ARL8A: variants seen among roughly 807,000 people sequenced by gnomAD.
The protein encoded by ARL8A is ADP-ribosylation factor-like protein 8A.
In ARL8A, 10 loss-of-function variants were observed where a neutral mutation model predicts 31.2. The ratio of observed to expected loss-of-function variants is 0.32; its 90% confidence interval spans 0.20 to 0.54. The LOEUF (loss-of-function observed/expected upper bound fraction) is 0.54, where lower values mean the gene tolerates loss of function less well. Among genes scored for constraint, ARL8A ranks in the 20% least tolerant of loss-of-function variants. The probability of loss-of-function intolerance (pLI) is 0.93; values close to 1 mark genes in which losing one functional copy is unlikely to be tolerated. For synonymous variants in ARL8A, 70 were observed against 86.9 expected (o/e 0.81, Z 1.08); for missense variants, 129 against 242.8 (o/e 0.53, Z 3.12).
rs969709022 is a variant in ARL8A at position 202,133,435 on chromosome 1, G to C, written c.*1032C>G. 7.9e-5 allele frequency: 12 copies of C among 152,016 alleles called. No individual in the cohort carries two copies. Among genetic ancestry groups the C allele is most frequent in the African/African-American group, 2.7e-4 (11 of 41,376 alleles). The allele number at this position is 152,016 out of a possible 1,614,324, so 9.4% of individuals were successfully genotyped here. A position where few individuals can be genotyped will look rare whatever the true frequency, so the allele number is the denominator to read the frequency against. On this transcript the variant is annotated 3_prime_UTR_variant, in exon 7 of 7. Transcript: ENST00000272217. ...ACAAAACTGGTCATTTATTTTTTTT[G>C]TTGTCATTGTTATTAGGAAGCAAAA...
intron 1 of ARL8A, among the ~76,000 whole-genome samples, chr1:202,139,768 C>A (rs1423853996): frequency 6.7e-6 from 1 of 149,990 alleles, no homozygotes; most frequent in Non-Finnish European, 1.5e-5. Context: ...CTGCCTCAGC[C>A]TCCCCAGTAG....
At chr1:202,141,389 C>T (rs1403886125) in intron 1 of ARL8A, among the ~76,000 whole-genome samples, 1 of 152,140 alleles carries the variant, frequency 6.6e-6, no homozygotes, top group African/African-American at 2.4e-5. Flanking sequence ...TACCTGTAAT[C>T]CCAGCACTTT....
In ARL8A at chr1:202,135,022, G is replaced by T; in HGVS notation, c.511+128C>A. The T allele has an allele frequency of 1.1e-6, 1 of 888,990 alleles. No homozygotes were observed. Among genetic ancestry groups the T allele is most frequent in the Non-Finnish European group, 1.8e-6 (1 of 562,062 alleles). The allele number at this position is 888,990 out of a possible 1,614,324, so 55.1% of individuals were successfully genotyped here. On this transcript the variant is annotated intron_variant, in intron 6 of 6. Transcript: ENST00000272217. This position sits in a 1 kb window ranked among gnomAD's most constrained non-coding sequence, Gnocchi z 5.3. The stretch of plus-strand genomic sequence containing the variant: ...TAGTGCCCAGAATCTGGGCCACCTG[G>T]CTGCCTTTTCTACCCAAGAGCCACA...
rs1471089039 is a variant in ARL8A at position 202,135,265 on chromosome 1, G to C, written c.441-45C>G. On this transcript the variant is annotated intron_variant, in intron 5 of 6. Coordinates refer to ENST00000272217, the MANE Select transcript of ARL8A (RefSeq NM_138795.4). The surrounding 1 kb of genome is among the most constrained non-coding windows in gnomAD (Gnocchi z 5.3). ...AGTCCGCTGAGGCTACGAACGTCCA[G>C]GGGGCCTGGGGCTAGGGGACAGCGG... 1.9e-6 allele frequency: 3 copies of C among 1,577,114 alleles called. No individual in the cohort carries two copies. Among genetic ancestry groups the C allele is most frequent in the Non-Finnish European group, 2.6e-6 (3 of 1,146,500 alleles).
chr1:202,137,591 G>A (rs1655045779), intron 3 of ARL8A, among the ~76,000 whole-genome samples: 1 of 151,412 alleles, frequency 6.6e-6, no homozygotes, highest in South Asian at 2.1e-4. Flanking sequence ...TCGCACCATT[G>A]CACGCCAGCC....
chr1:202,144,148 T>C lies in ARL8A; in HGVS notation c.123+302A>G, dbSNP rs1655238872. Among the ~76,000 whole-genome samples, 1 of 152,130 alleles carries C rather than the reference T, an allele frequency of 6.6e-6. No homozygotes were observed. Among genetic ancestry groups the C allele is most frequent in the Non-Finnish European group, 1.5e-5 (1 of 68,000 alleles). On this transcript the variant is annotated intron_variant, in intron 1 of 6. Coordinates refer to ENST00000272217, the MANE Select transcript of ARL8A (RefSeq NM_138795.4). The surrounding 1 kb of genome is among the most constrained non-coding windows in gnomAD (Gnocchi z 5.2). ...TCAGCCGGCAGCGGGTCCCTCCTGCTTCGAGAGCCCCTCGGTGCCGCCTGC... is the reference window on the plus strand; with the variant it reads ...TCAGCCGGCAGCGGGTCCCTCCTGCCTCGAGAGCCCCTCGGTGCCGCCTGC...
rs1395878508 is a variant in ARL8A, at chr1:202,144,583, G to T, written c.-11C>A. 5.0e-6 allele frequency: 7 copies of T among 1,409,242 alleles called. No individual in the cohort carries two copies. Among genetic ancestry groups the T allele is most frequent in the Non-Finnish European group, 6.6e-6 (7 of 1,059,318 alleles). The allele number at this position is 1,409,242 out of a possible 1,614,324, so 87.3% of individuals were successfully genotyped here. ...GAACAAAGCGATCATGGTCGCTGCC[G>T]CCGGCCCCGCCCGGTGCCAGGTCCC... On this transcript the variant is annotated 5_prime_UTR_variant, in exon 1 of 7. Transcript: ENST00000272217. This position sits in a 1 kb window ranked among gnomAD's most constrained non-coding sequence, Gnocchi z 5.2.
At chr1:202,139,983 C>T (rs1403801900) in intron 1 of ARL8A, among the ~76,000 whole-genome samples, 1 of 151,926 alleles carries the variant, frequency 6.6e-6, no homozygotes, top group Non-Finnish European at 1.5e-5. Context: ...TTTCTCCCAC[C>T]AGCTGGTAGG....
At chr1:202,142,463 A>G (rs1345512746) in intron 1 of ARL8A, among the ~76,000 whole-genome samples, 1 of 152,236 alleles carries the variant, frequency 6.6e-6, no homozygotes, top group Non-Finnish European at 1.5e-5. Flanking sequence ...CCAGTGTGGT[A>G]GCCCCAGAGG....
In ARL8A at chr1:202,133,440, CATTGTT is replaced by C. The variant is rs1654916231; in HGVS notation, c.*1021_*1026del. The C allele has an allele frequency of 6.6e-6, 1 of 152,032 alleles. No individual in the cohort carries two copies. The highest frequency in any genetic ancestry group is 2.1e-4 in the South Asian group (1 of 4,836). The allele number at this position is 152,032 out of a possible 1,614,324, so 9.4% of individuals were successfully genotyped here. A position where few individuals can be genotyped will look rare whatever the true frequency, so the allele number is the denominator to read the frequency against. On this transcript the variant is annotated 3_prime_UTR_variant, in exon 7 of 7. Transcript: ENST00000272217. ...ACTGGTCATTTATTTTTTTTGTTGTCATTGTTATTAGGAAGCAAAAAAATGTACAGT... is the reference window on the plus strand; with the variant it reads ...ACTGGTCATTTATTTTTTTTGTTGTCATTAGGAAGCAAAAAAATGTACAGT...
chr1:202,138,132 T>C lies in ARL8A; in HGVS notation c.205-94A>G, dbSNP rs1191482925. ...TGCCCCCTCCTACCCTGCCCTACTC[T>C]CCTCTGCCTCCCCGGCTTCCTCTCC... is the stretch of plus-strand genomic sequence containing the variant. On this transcript the variant is annotated intron_variant, in intron 2 of 6. Coordinates refer to ENST00000272217, the MANE Select transcript of ARL8A (RefSeq NM_138795.4). This position sits in a 1 kb window ranked among gnomAD's most constrained non-coding sequence, Gnocchi z 4.4. The C allele has an allele frequency of 2.1e-6, 3 of 1,418,596 alleles. No homozygotes were observed. In the African/African-American group the frequency reaches 4.2e-5, roughly 20 times the overall value. The allele number at this position is 1,418,596 out of a possible 1,614,324, so 87.9% of individuals were successfully genotyped here.
intron 1 of ARL8A, among the ~76,000 whole-genome samples, chr1:202,139,297 G>A (rs915739232): frequency 6.6e-5 from 10 of 152,160 alleles, no homozygotes; most frequent in Non-Finnish European, 1.3e-4. Context: ...GGGCTCGGCC[G>A]GGCGCGATGG....
Position 202,135,952 on chromosome 1 carries a change from G to A in ARL8A, c.279-152C>T. On this transcript the variant is annotated intron_variant, in intron 3 of 6. Transcript: ENST00000272217. The surrounding 1 kb of genome is among the most constrained non-coding windows in gnomAD (Gnocchi z 5.3). ...GGCTACCTGGCCTGGCTCAAGGCAG[G>A]TGCTCCGCGGATGTTTTCTGAGTCT... The A allele has an allele frequency of 1.5e-6, 1 of 687,812 alleles. No homozygotes were observed. The highest frequency in any genetic ancestry group is 2.6e-6 in the Non-Finnish European group (1 of 387,518). 42.6% of individuals were successfully genotyped at this position (687,812 alleles called of 1,614,324 possible).
At chr1:202,137,827 C>T (rs781399174) in intron 3 of ARL8A, 138 bp downstream of exon 3, 45 of 891,596 alleles carry the variant, frequency 5.0e-5, no homozygotes, top group Non-Finnish European at 6.9e-5. Context: ...GCAAAATAAA[C>T]GCAGGCCCTG....
In ARL8A at chr1:202,134,789, A is replaced by G. The variant is rs1654958286; in HGVS notation, c.512-273T>C. On this transcript the variant is annotated intron_variant, in intron 6 of 6. Coordinates refer to ENST00000272217, the MANE Select transcript of ARL8A (RefSeq NM_138795.4). The surrounding 1 kb of genome is among the most constrained non-coding windows in gnomAD (Gnocchi z 4.2). ...GACACTTTCTCAAAAACAAACAAGA[A>G]GTCCAGAGCTGGCAAGCGCCACATG... is the stretch of plus-strand genomic sequence containing the variant. Among the ~76,000 whole-genome samples the G allele has an allele frequency of 6.6e-6, 1 of 152,198 alleles. No homozygotes were observed. Among genetic ancestry groups the G allele is most frequent in the South Asian group, 2.1e-4 (1 of 4,830 alleles).
intron 3 of ARL8A, among the ~76,000 whole-genome samples, chr1:202,137,748 T>C (rs545600045): frequency 2.0e-5 from 3 of 152,174 alleles, no homozygotes; most frequent in African/African-American, 7.2e-5. Context: ...TGGTTAATAG[T>C]CTATAGTCTG....
At chr1:202,136,440 C>A (rs959189308) in intron 3 of ARL8A, among the ~76,000 whole-genome samples, 1 of 152,116 alleles carries the variant, frequency 6.6e-6, no homozygotes, top group Admixed American at 6.5e-5. Flanking sequence ...CCGCCACGCC[C>A]GGCTAATTTT....
Position 202,135,488 on chromosome 1 carries a change from T to A in ARL8A, c.411A>T (p.Ala137=), listed in dbSNP as rs61758714. The A allele has an allele frequency of 9.7e-3, 15,610 of 1,614,084 alleles. 1,075 individuals are homozygous for A. In the East Asian group the frequency reaches 0.16, roughly 17 times the overall value. The change falls in exon 5 of 7, where the codon GCA becomes GCT. Residue 137 remains alanine, a synonymous_variant. Coordinates refer to ENST00000272217, the MANE Select transcript of ARL8A (RefSeq NM_138795.4). This position sits in a 1 kb window ranked among gnomAD's most constrained non-coding sequence, Gnocchi z 5.3. The part of the protein sequence containing the change: ...VLGNKRDLPG[A]LDEKELIEKM... ...TCTCAATCAGCTCCTTCTCATCCAA[T>A]GCTCCCGGAAGGTCTCGCTTGTTAC... is the stretch of plus-strand genomic sequence containing the variant.
At chr1:202,143,387 C>T (rs1453721775) in intron 1 of ARL8A, among the ~76,000 whole-genome samples, 1 of 152,230 alleles carries the variant, frequency 6.6e-6, no homozygotes, top group Non-Finnish European at 1.5e-5. Flanking sequence ...GGATACATTC[C>T]TCTGCTGACC....
Sources: gnomAD v4.1 joint callset for allele counts (sites outside exome capture counted in the v4.1 genomes callset) on GRCh38, gnomAD v4.1.1 for gene constraint, Gnocchi (gnomAD v3.1) non-coding constraint, MANE v1.5 for transcripts, NCBI Gene and HGNC (gene_info 2026-07-23, HGNC 2026-07-21) for gene names.